The following GPLD1 variants were observed in gnomAD, a reference collection of about 807,000 sequenced individuals.
GPLD1 encodes phosphatidylinositol-glycan-specific phospholipase D.
GPLD1 carries 84 observed loss-of-function variants against 112.6 expected under a neutral mutation model. The observed-to-expected ratio is 0.75, with a 90% confidence interval of 0.63 to 0.89. The LOEUF (loss-of-function observed/expected upper bound fraction) is 0.89. Ranked by LOEUF, GPLD1 falls within the 40% of genes least tolerant of loss-of-function variation. The pLI is 0.00. For missense variants in GPLD1, 1,044 were observed against 1,051.5 expected, an observed-to-expected ratio of 0.99 and a Z score of 0.10; for synonymous variants, 386 against 403.8, an observed-to-expected ratio of 0.96 and a Z score of 0.53.
chr6:24,441,273 T>C (rs998790550), intron 20 of GPLD1, among the ~76,000 whole-genome samples: 2 of 150,780 alleles, frequency 1.3e-5, no homozygotes, highest in African/African-American at 4.9e-5. Flanking sequence ...CACCACTACA[T>C]TCCAGCCTGG....
At chr6:24,485,674 CT>C (rs1003334719) in intron 2 of GPLD1, among the ~76,000 whole-genome samples, 8 of 149,300 alleles carry the variant, frequency 5.4e-5, no homozygotes, top group South Asian at 2.1e-4. Flanking sequence ...TAATGAGTCT[CT>C]TTTTTTTTTT....
rs756918166 is a variant in GPLD1, at chr6:24,467,243, A to G, written c.577T>C (p.Tyr193His). The change falls in exon 8 of 25, where the codon TAT (tyrosine) becomes CAT (histidine). Residue 193 changes from tyrosine (Y) to histidine (H), a missense_variant. Coordinates refer to ENST00000230036, the MANE Select transcript of GPLD1 (RefSeq NM_001503.4). ...ACTTTTCGACCATACAGTTTCTCAT[A>G]AATTCCCAGTAGATCTTTGACTGGC... is the stretch of plus-strand genomic sequence containing the variant. ...YVPVKDLLGI[Y>H]EKLYGRKVIT... The G allele has an allele frequency of 1.9e-6, 3 of 1,603,712 alleles. No homozygotes were observed. The Admixed American group carries it at 5.0e-5, about 27-fold the overall frequency.
chr6:24,437,363 T>C, intron 20 of GPLD1, 74 bp from the exon 21 acceptor site: 1 of 1,360,176 alleles, frequency 7.4e-7, no homozygotes, highest in Non-Finnish European at 1.0e-6. Context: ...CACCCCATCC[T>C]CAAGTGACAC....
chr6:24,481,773 T>G (rs2127368222), intron 2 of GPLD1, among the ~76,000 whole-genome samples: 1 of 152,310 alleles, frequency 6.6e-6, no homozygotes, highest in African/African-American at 2.4e-5. Context: ...TCTAGAGCTC[T>G]GGGCCCAGTT....
chr6:24,486,643 C>T (rs745388481), intron 1 of GPLD1, among the ~76,000 whole-genome samples: 4 of 152,006 alleles, frequency 2.6e-5, no homozygotes, highest in South Asian at 2.1e-4. Context: ...ATGGAGAAAC[C>T]CCGTCTCTAC....
chr6:24,471,438 C>T (rs1012780110), intron 7 of GPLD1, among the ~76,000 whole-genome samples: 1 of 151,904 alleles, frequency 6.6e-6, no homozygotes, highest in African/African-American at 2.4e-5. Flanking sequence ...GCACTCCAGC[C>T]CGAGCCACAG....
At chr6:24,467,937 G>C (rs1052459041) in intron 7 of GPLD1, among the ~76,000 whole-genome samples, 1 of 151,502 alleles carries the variant, frequency 6.6e-6, no homozygotes, top group African/African-American at 2.4e-5. Flanking sequence ...ATGGAGCTTC[G>C]CTCTTGTTGC....
chr6:24,460,017 G>C (rs1763384703), intron 12 of GPLD1, among the ~76,000 whole-genome samples: 1 of 152,158 alleles, frequency 6.6e-6, no homozygotes, highest in Non-Finnish European at 1.5e-5. Context: ...TCCTGCCTTA[G>C]CCTCCCAAGT....
At chr6:24,451,483 C>G (rs996813195) in intron 14 of GPLD1, among the ~76,000 whole-genome samples, 7 of 152,178 alleles carry the variant, frequency 4.6e-5, no homozygotes, top group African/African-American at 1.7e-4. Flanking sequence ...GGATTACAGG[C>G]ATATGCCACC....
chr6:24,434,701 G>C (rs907736273), intron 22 of GPLD1, among the ~76,000 whole-genome samples: 25 of 151,732 alleles, frequency 1.6e-4, no homozygotes, highest in Admixed American at 1.5e-3. Flanking sequence ...AGCCAGGCGT[G>C]GTAGTGGGCG....
At chr6:24,436,970 T>C in intron 21 of GPLD1, 143 bp downstream of exon 21, 4 of 762,328 alleles carry the variant, frequency 5.2e-6, no homozygotes, top group Non-Finnish European at 8.6e-6. Context: ...CTCTCTGGTC[T>C]TGCCTCATTC....
At chr6:24,487,700 A>C (rs957494872) in intron 1 of GPLD1, among the ~76,000 whole-genome samples, 3 of 152,234 alleles carry the variant, frequency 2.0e-5, no homozygotes, top group Non-Finnish European at 2.9e-5. Flanking sequence ...GGTAGGTAAA[A>C]AGTGAATTGC....
At chr6:24,452,256 AAC>A (rs1364564089) in intron 14 of GPLD1, among the ~76,000 whole-genome samples, 1 of 152,248 alleles carries the variant, frequency 6.6e-6, no homozygotes, top group Non-Finnish European at 1.5e-5. Flanking sequence ...CACTTTACAC[AAC>A]AGTCTGTCGG....
chr6:24,485,538 A>T (rs2127371505), intron 2 of GPLD1, among the ~76,000 whole-genome samples: 1 of 152,338 alleles, frequency 6.6e-6, no homozygotes, highest in South Asian at 2.1e-4. Context: ...TTTAAGTGTG[A>T]TATATATAAG....
intron 3 of GPLD1, among the ~76,000 whole-genome samples, chr6:24,479,670 T>C (rs1252556081): frequency 1.3e-5 from 2 of 152,228 alleles, no homozygotes; most frequent in Admixed American, 6.5e-5. Flanking sequence ...CTTAACTAGG[T>C]CAGTTATAGC....
At chr6:24,470,065 A>G (rs1452167100) in intron 7 of GPLD1, among the ~76,000 whole-genome samples, 1 of 152,130 alleles carries the variant, frequency 6.6e-6, no homozygotes, top group African/African-American at 2.4e-5. Context: ...AAATGGGACA[A>G]CCAGCTTTTG....
At chr6:24,458,918 C>CAG (rs1173695096) in intron 12 of GPLD1, among the ~76,000 whole-genome samples, 1 of 152,058 alleles carries the variant, frequency 6.6e-6, no homozygotes, top group Non-Finnish European at 1.5e-5. Context: ...GCAGTGACAG[C>CAG]AGTATATTAA....
rs771621329 is a variant in GPLD1 at position 24,454,104 on chromosome 6, C to G, written c.1246G>C (p.Val416Leu). Reference sequence around the variant, plus strand: ...AGGTCATTGCCGTAGATGAGGTACACGCGCCCGATGTGGATGTGGCCGGGG... The same window carrying G: ...AGGTCATTGCCGTAGATGAGGTACAGGCGCCCGATGTGGATGTGGCCGGGG... ...SRPGHIHIGR[V>L]YLIYGNDLGL... The change falls in exon 14 of 25, where the codon GTG (valine) becomes CTG (leucine). Residue 416 changes from valine (V) to leucine (L), a missense_variant. Val to Leu is a conservative substitution (Grantham distance 32). Coordinates refer to ENST00000230036, the MANE Select transcript of GPLD1 (RefSeq NM_001503.4). The G allele has an allele frequency of 1.9e-6, 3 of 1,613,862 alleles. No individual in the cohort carries two copies. The highest frequency in any genetic ancestry group is 1.3e-5 in the African/African-American group (1 of 74,910).
In GPLD1 at chr6:24,472,535, C is replaced by G. The variant is rs753820972; in HGVS notation, c.545+47G>C. 3 of 1,091,310 alleles carry G rather than the reference C, an allele frequency of 2.7e-6. No homozygotes were observed. The East Asian group carries it at 7.1e-5, about 26-fold the overall frequency. The allele number at this position is 1,091,310 out of a possible 1,614,324, so 67.6% of individuals were successfully genotyped here. A position where few individuals can be genotyped will look rare whatever the true frequency, so the allele number is the denominator to read the frequency against. On this transcript the variant is annotated intron_variant, in intron 7 of 24. Coordinates refer to ENST00000230036, the MANE Select transcript of GPLD1 (RefSeq NM_001503.4). ...TTTTCTAAGAAAAAAAGTCAAGGCT[C>G]TAAATGCCACTTAGATACCACATAT...
Sources: allele counts gnomAD v4.1 joint callset (sites outside exome capture counted in the v4.1 genomes callset), GRCh38; gene constraint gnomAD v4.1.1; transcripts MANE v1.5; gene names NCBI Gene and HGNC (gene_info 2026-07-23, HGNC 2026-07-21).